The following POFUT3 variants were observed in gnomAD, a reference collection of about 807,000 sequenced individuals.
POFUT3 encodes the protein GDP-fucose protein O-fucosyltransferase 3.
At chr8:33,410,494 C>T in the POFUT3 span, among the ~76,000 whole-genome samples, 1 of 152,050 alleles carries the variant, frequency 6.6e-6, no homozygotes, top group Non-Finnish European at 1.5e-5. Context: ...GACTGTGAGA[C>T]AGGAAAGCAG....
chr8:33,419,642 A>T, the POFUT3 span, among the ~76,000 whole-genome samples: 4 of 152,154 alleles, frequency 2.6e-5, no homozygotes, highest in African/African-American at 9.7e-5. Flanking sequence ...ATCATTATAC[A>T]TTCTATGCAT....
At chr8:33,316,113 C>T in the POFUT3 span, among the ~76,000 whole-genome samples, 1 of 152,130 alleles carries the variant, frequency 6.6e-6, no homozygotes, top group Non-Finnish European at 1.5e-5. Context: ...CTGCACTTCT[C>T]ATCACTGATC....
chr8:33,376,445 G>A, the POFUT3 span, among the ~76,000 whole-genome samples: 1 of 152,158 alleles, frequency 6.6e-6, no homozygotes, highest in African/African-American at 2.4e-5. Flanking sequence ...TGATGACTTT[G>A]AGTGAACAGA....
the POFUT3 span, among the ~76,000 whole-genome samples, chr8:33,388,462 G>A: frequency 6.7e-6 from 1 of 149,502 alleles, no homozygotes; most frequent in South Asian, 2.1e-4. Context: ...TCAGCCTCTC[G>A]AGTAGCTGGG....
the POFUT3 span, among the ~76,000 whole-genome samples, chr8:33,325,248 G>C: frequency 1.3e-5 from 2 of 152,100 alleles, no homozygotes; most frequent in Non-Finnish European, 2.9e-5. Context: ...GTACCTAAAA[G>C]TTCATCCTTT....
chr8:33,425,487 A>C, the POFUT3 span, among the ~76,000 whole-genome samples: 1 of 152,156 alleles, frequency 6.6e-6, no homozygotes, highest in Non-Finnish European at 1.5e-5. Flanking sequence ...AAGGAGGAGA[A>C]GGAAAAAGTC....
the POFUT3 span, among the ~76,000 whole-genome samples, chr8:33,309,138 TAAA>T: frequency 1.2e-4 from 5 of 41,684 alleles, no homozygotes; most frequent in African/African-American, 4.6e-4. Context: ...CTGGGGAGTG[TAAA>T]AAAAAAAAAA....
At chr8:33,337,820 A>C in the POFUT3 span, among the ~76,000 whole-genome samples, 1 of 152,222 alleles carries the variant, frequency 6.6e-6, no homozygotes, top group Non-Finnish European at 1.5e-5. Context: ...TTGCTTAAAC[A>C]ATGGAAAATT....
At chr8:33,450,295 C>T in the POFUT3 span, among the ~76,000 whole-genome samples, 4 of 152,178 alleles carry the variant, frequency 2.6e-5, no homozygotes, top group East Asian at 7.7e-4. Context: ...GTCTTTGAAA[C>T]CCCACAAAGA....
At chr8:33,415,452 C>T in the POFUT3 span, among the ~76,000 whole-genome samples, 1 of 152,042 alleles carries the variant, frequency 6.6e-6, no homozygotes, top group Non-Finnish European at 1.5e-5. Flanking sequence ...GGACCAGACA[C>T]TGACAGGGAC....
the POFUT3 span, among the ~76,000 whole-genome samples, chr8:33,359,877 A>G: frequency 1.3e-5 from 2 of 151,908 alleles, no homozygotes; most frequent in South Asian, 4.2e-4. Flanking sequence ...TTGATGGCAC[A>G]CACCTGTAAT....
chr8:33,318,359 G>C, the POFUT3 span, among the ~76,000 whole-genome samples: 2 of 149,444 alleles, frequency 1.3e-5, no homozygotes, highest in South Asian at 2.1e-4. Context: ...ACAATGTCTA[G>C]CACATTCCCT....
the POFUT3 span, chr8:33,453,340 C>T: frequency 1.9e-6 from 3 of 1,614,238 alleles, no homozygotes; most frequent in Non-Finnish European, 2.5e-6. Context: ...ACCACCAGAG[C>T]ATAATGGGGT....
the POFUT3 span, among the ~76,000 whole-genome samples, chr8:33,313,842 C>T: frequency 6.6e-6 from 1 of 151,980 alleles, no homozygotes. Flanking sequence ...CATATGGAAC[C>T]TAGAGTCAGT....
the POFUT3 span, among the ~76,000 whole-genome samples, chr8:33,338,251 G>C: frequency 6.6e-6 from 1 of 152,156 alleles, no homozygotes; most frequent in Admixed American, 6.6e-5. Flanking sequence ...AGTAGGGATA[G>C]TGAATCGGAA....
the POFUT3 span, among the ~76,000 whole-genome samples, chr8:33,466,474 A>G: frequency 6.6e-6 from 1 of 151,544 alleles, no homozygotes; most frequent in Non-Finnish European, 1.5e-5. Context: ...GGAGAAGGGA[A>G]GGGAAAATGG....
At chr8:33,423,464 CT>C in the POFUT3 span, among the ~76,000 whole-genome samples, 1 of 151,862 alleles carries the variant, frequency 6.6e-6, no homozygotes, top group Non-Finnish European at 1.5e-5. Context: ...GAAATAGGGT[CT>C]CACTATGTTG....
the POFUT3 span, among the ~76,000 whole-genome samples, chr8:33,403,644 C>T: frequency 1.6e-3 from 241 of 152,174 alleles, 1 homozygote; most frequent in African/African-American, 5.6e-3. Flanking sequence ...ATGGCTTGAG[C>T]CCAAGAGTTC....
the POFUT3 span, among the ~76,000 whole-genome samples, chr8:33,363,690 G>A: frequency 6.6e-6 from 1 of 152,062 alleles, no homozygotes; most frequent in African/African-American, 2.4e-5. Context: ...TAAATTCCTG[G>A]ACACATACAC....
Sources: allele counts gnomAD v4.1 joint callset (sites outside exome capture counted in the v4.1 genomes callset), GRCh38; gene constraint gnomAD v4.1.1; transcripts MANE v1.5; gene names NCBI Gene and HGNC (gene_info 2026-07-23, HGNC 2026-07-21).